Variants in NSRP1 observed in about 807,000 individuals in gnomAD.
NSRP1 encodes coiled-coil domain containing 55.
NSRP1 carries 24 observed loss-of-function variants against 54.7 expected under a neutral mutation model. The ratio of observed to expected loss-of-function variants is 0.44; its 90% CI spans 0.32 to 0.62. The LOEUF (loss-of-function observed/expected upper bound fraction) is 0.62, where lower values mean the gene tolerates loss of function less well. Among genes scored for constraint, NSRP1 ranks in the 20% least tolerant of loss-of-function variants. NSRP1 has a pLI of 0.06. For synonymous variants in NSRP1, 210 were observed against 213.8 expected (o/e 0.98, Z 0.15); for missense variants, 596 against 651.2 (o/e 0.92, Z 0.92).
intron 2 of NSRP1, among the ~76,000 whole-genome samples, chr17:30,139,020 C>T (rs1398505420): frequency 2.7e-5 from 4 of 146,464 alleles, no homozygotes; most frequent in African/African-American, 1.0e-4. Flanking sequence ...CGGGTTCACA[C>T]CATTCTCCTG....
In NSRP1 at chr17:30,185,831, A is replaced by C. The variant is rs1905516217; in HGVS notation, c.*157A>C. 1.4e-6 allele frequency: 1 copy of C among 700,102 alleles called. No homozygotes were observed. The highest frequency in any genetic ancestry group is 2.2e-6 in the Non-Finnish European group (1 of 447,200). 43.4% of individuals were successfully genotyped at this position (700,102 alleles called of 1,614,324 possible). A position where few individuals can be genotyped will look rare whatever the true frequency, so the allele number is the denominator to read the frequency against. On this transcript the variant is annotated 3_prime_UTR_variant, in exon 7 of 7. Coordinates refer to ENST00000247026, the MANE Select transcript of NSRP1 (RefSeq NM_032141.4). Reference sequence around the variant, plus strand: ...GTTAAAAGTCAGTCTTACAGCTTGGATGTTTGGATGTGGATGTTTGGCTGA... The same window carrying C: ...GTTAAAAGTCAGTCTTACAGCTTGGCTGTTTGGATGTGGATGTTTGGCTGA...
intron 3 of NSRP1, 44 bp downstream of exon 3, chr17:30,172,642 G>T: frequency 6.6e-7 from 1 of 1,513,990 alleles, no homozygotes; most frequent in Non-Finnish European, 9.0e-7. Flanking sequence ...GAAGCATTCC[G>T]GCTCATTTTT....
intron 5 of NSRP1, 69 bp downstream of exon 5, chr17:30,179,366 G>T (rs1336636230): frequency 1.4e-6 from 2 of 1,460,734 alleles, no homozygotes; most frequent in Admixed American, 2.6e-5. Flanking sequence ...TTAGCTGTTT[G>T]CTCTGTCACT....
intron 2 of NSRP1, among the ~76,000 whole-genome samples, chr17:30,167,880 T>A (rs899192834): frequency 2.6e-5 from 4 of 152,176 alleles, no homozygotes; most frequent in African/African-American, 9.7e-5. Context: ...TCCACTCTAA[T>A]GGTCAACAGT....
At chr17:30,181,448 G>A (rs1905290623) in intron 6 of NSRP1, among the ~76,000 whole-genome samples, 1 of 147,786 alleles carries the variant, frequency 6.8e-6, no homozygotes, top group Non-Finnish European at 1.5e-5. Flanking sequence ...GCCTAGGGTG[G>A]ATGGAGTACA....
intron 2 of NSRP1, among the ~76,000 whole-genome samples, chr17:30,142,457 T>C (rs2071814248): frequency 6.6e-6 from 1 of 151,036 alleles, no homozygotes; most frequent in Admixed American, 6.6e-5. Context: ...TCCAGAGTAG[T>C]TGGGAATATA....
chr17:30,118,345 A>G (rs114082198), intron 2 of NSRP1, among the ~76,000 whole-genome samples, 172 bp downstream of exon 2: 90 of 152,266 alleles, frequency 5.9e-4, no homozygotes, highest in African/African-American at 1.5e-3. Flanking sequence ...TTTTTTAAAG[A>G]TTTTTTTCCC....
intron 2 of NSRP1, among the ~76,000 whole-genome samples, chr17:30,118,456 G>C (rs1229727369): frequency 1.3e-5 from 2 of 152,288 alleles, no homozygotes; most frequent in South Asian, 4.1e-4. Flanking sequence ...CTAGGTATGA[G>C]TTATTAAGAT....
At chr17:30,129,455 G>T (rs557017813) in intron 2 of NSRP1, among the ~76,000 whole-genome samples, 1 of 150,656 alleles carries the variant, frequency 6.6e-6, no homozygotes, top group East Asian at 1.9e-4. Context: ...TATTCCCAAA[G>T]TAAGAAGCAT....
At chr17:30,162,671 A>C (rs954821961) in intron 2 of NSRP1, among the ~76,000 whole-genome samples, 2 of 152,328 alleles carry the variant, frequency 1.3e-5, no homozygotes, top group Non-Finnish European at 1.5e-5. Context: ...AGAAGCTCAT[A>C]TGTCCCATTG....
chr17:30,180,997 T>C lies in NSRP1; in HGVS notation c.598T>C (p.Cys200Arg). The C allele has an allele frequency of 6.2e-7, 1 of 1,610,420 alleles. No individual in the cohort carries two copies. Among genetic ancestry groups the C allele is most frequent in the South Asian group, 1.1e-5 (1 of 90,998 alleles). The stretch of plus-strand genomic sequence containing the variant: ...AGTTGGTGAAGAGGAAGTACCTAAA[T>C]GCAGCTTTCGTGAAGCCAGGTGAGG... ...QAVGEEEVPKCSFREARSGIK... is the reference protein window; with the variant it reads ...QAVGEEEVPKRSFREARSGIK... The change falls in exon 6 of 7, where the codon TGC becomes CGC. Residue 200 changes from cysteine to arginine, a missense_variant. By Grantham distance (180) the Cys-to-Arg change is radical (BLOSUM62 -3). Coordinates refer to ENST00000247026, the MANE Select transcript of NSRP1 (RefSeq NM_032141.4).
chr17:30,140,975 G>A (rs1321578529), intron 2 of NSRP1, among the ~76,000 whole-genome samples: 3 of 152,002 alleles, frequency 2.0e-5, no homozygotes. Context: ...CACCACATCT[G>A]GCTAATTTAA....
Position 30,186,277 on chromosome 17 carries a change from T to C in NSRP1, c.*603T>C, listed in dbSNP as rs1435392622. Reference sequence around the variant, plus strand: ...GAGACCCTGTCTCTAAAAAATTTTTTTTAAATAAATAATTTAACTCTTCTA... The same window carrying C: ...GAGACCCTGTCTCTAAAAAATTTTTCTTAAATAAATAATTTAACTCTTCTA... On this transcript the variant is annotated 3_prime_UTR_variant, in exon 7 of 7. Coordinates refer to ENST00000247026, the MANE Select transcript of NSRP1 (RefSeq NM_032141.4). The C allele has an allele frequency of 6.6e-6, 1 of 152,158 alleles. No individual in the cohort carries two copies. The highest frequency in any genetic ancestry group is 1.9e-4 in the East Asian group (1 of 5,202). The allele number at this position is 152,158 out of a possible 1,614,324, so 9.4% of individuals were successfully genotyped here.
At chr17:30,180,843 T>A (rs1905268930) in intron 5 of NSRP1, 65 bp from the exon 6 acceptor site, 5 of 947,358 alleles carry the variant, frequency 5.3e-6, no homozygotes, top group Admixed American at 1.8e-5. Flanking sequence ...ATACTGTATG[T>A]CTGTAAAATG....
chr17:30,181,642 G>GCT (rs1489988496), intron 6 of NSRP1, among the ~76,000 whole-genome samples: 1 of 139,968 alleles, frequency 7.1e-6, no homozygotes, highest in African/African-American at 2.7e-5. Context: ...ATGGAGTCTT[G>GCT]CTCTGTCACC....
At chr17:30,175,209 T>A (rs1385355099) in intron 3 of NSRP1, among the ~76,000 whole-genome samples, 1 of 152,192 alleles carries the variant, frequency 6.6e-6, no homozygotes, top group African/African-American at 2.4e-5. Context: ...TCCCTCTAAG[T>A]ACTTCTGTAG....
Position 30,172,463 on chromosome 17 carries a change from AT to A in NSRP1, c.115-75del, listed in dbSNP as rs1904986325. On this transcript the variant is annotated intron_variant, in intron 2 of 6. Transcript: ENST00000247026. The stretch of plus-strand genomic sequence containing the variant: ...ATACAAAACACTTCTGGTCCCATGT[AT>A]TTTAGATAGGGGACGCTCGTACTGG... 8 of 1,111,322 alleles carry A rather than the reference AT, an allele frequency of 7.2e-6. No individual in the cohort carries two copies. In the South Asian group the frequency reaches 1.2e-4, roughly 17 times the overall value. 68.8% of individuals were successfully genotyped at this position (1,111,322 alleles called of 1,614,324 possible). A position where few individuals can be genotyped will look rare whatever the true frequency, so the allele number is the denominator to read the frequency against.
intron 2 of NSRP1, among the ~76,000 whole-genome samples, chr17:30,129,829 A>G (rs1388682931): frequency 6.6e-6 from 1 of 152,196 alleles, no homozygotes; most frequent in African/African-American, 2.4e-5. Flanking sequence ...AATGTTGGGA[A>G]ATTTAGGTTA....
rs1407404856 is a variant in NSRP1 at position 30,146,870 on chromosome 17, C to T, written c.115-25672C>T. 2.0e-5 allele frequency among the ~76,000 whole-genome samples: 3 copies of T among 152,200 alleles called. No individual in the cohort carries two copies. In the East Asian group the frequency reaches 5.8e-4, roughly 30 times the overall value. ...CCTCACAAGGTGTTGGGATTACAGG[C>T]GCAAGCCACCACACCTGAGCCTAAT... On this transcript the variant is annotated intron_variant, in intron 2 of 6. Transcript: ENST00000247026.
Sources: allele counts gnomAD v4.1 joint callset (sites outside exome capture counted in the v4.1 genomes callset), GRCh38; gene constraint gnomAD v4.1.1; transcripts MANE v1.5; gene names NCBI Gene and HGNC (gene_info 2026-07-23, HGNC 2026-07-21).